The following P2RX4 variants were observed in gnomAD, a reference collection of about 807,000 sequenced individuals.
P2RX4 encodes the protein purinergic receptor P2X 4.
Under a neutral mutation model 48.0 loss-of-function variants are expected in P2RX4, and 37 were observed. That is an observed-to-expected ratio of 0.77 (90% CI 0.59 to 1.01). The LOEUF (loss-of-function observed/expected upper bound fraction) is 1.01, where lower values mean the gene tolerates loss of function less well. Ranked by LOEUF, P2RX4 falls within the 50% of genes least tolerant of loss-of-function variation. P2RX4 has a pLI of 0.00. For synonymous variants in P2RX4, 200 were observed against 199.7 expected, an observed-to-expected ratio of 1.00 and a Z score of -0.01; for missense variants, 501 against 521.4, an observed-to-expected ratio of 0.96 and a Z score of 0.38.
chr12:121,219,178 C>T (rs116676670), intron 2 of P2RX4, among the ~76,000 whole-genome samples: 190 of 152,272 alleles, frequency 1.2e-3, no homozygotes, highest in African/African-American at 4.4e-3. Flanking sequence ...TGACAGGTGG[C>T]GGGAGAGAGG....
chr12:121,233,491 G>C (rs1887505557), intron 11 of P2RX4, 32 bp from the exon 12 acceptor site: 2 of 1,598,570 alleles, frequency 1.3e-6, no homozygotes, highest in Non-Finnish European at 1.7e-6. Context: ...GGTCCCAGGG[G>C]CACCTTGATC....
At position 121,233,343 on chromosome 12, in the gene P2RX4, T is replaced by C. The variant is rs961468756; in HGVS notation, c.1141-180T>C. On this transcript the variant is annotated intron_variant, in intron 11 of 11. Coordinates refer to ENST00000337233, the MANE Select transcript of P2RX4 (RefSeq NM_002560.3). ...TCAGGTTGGTGATGATAATGCATGC[T>C]CTGAGAATGCCTGTGGGCACACACT... 5.5e-5 allele frequency: 37 copies of C among 673,126 alleles called. No individual in the cohort carries two copies. The African/African-American group carries it at 6.3e-4, about 11-fold the overall frequency. The allele number at this position is 673,126 out of a possible 1,614,324, so 41.7% of individuals were successfully genotyped here.
At chr12:121,231,384 A>G (rs1887348568) in intron 8 of P2RX4, among the ~76,000 whole-genome samples, 1 of 152,224 alleles carries the variant, frequency 6.6e-6, no homozygotes, top group African/African-American at 2.4e-5. Context: ...ATATTCACAG[A>G]TAAGTGCAGG....
chr12:121,228,411 C>T, intron 5 of P2RX4, 122 bp from the exon 6 acceptor site: 2 of 370,142 alleles, frequency 5.4e-6, no homozygotes, highest in Non-Finnish European at 4.8e-6. Context: ...TATATACACA[C>T]ACACACACAC....
At chr12:121,226,169 G>T (rs571520673) in intron 5 of P2RX4, among the ~76,000 whole-genome samples, 2 of 152,166 alleles carry the variant, frequency 1.3e-5, no homozygotes, top group South Asian at 4.2e-4. Flanking sequence ...ACCACACCTG[G>T]CCTCACAATA....
At chr12:121,218,259 C>T (rs992996851) in intron 2 of P2RX4, among the ~76,000 whole-genome samples, 6 of 151,894 alleles carry the variant, frequency 4.0e-5, no homozygotes, top group African/African-American at 1.4e-4. Context: ...AGGCCGAGGT[C>T]GGTGTATCAT....
intron 2 of P2RX4, among the ~76,000 whole-genome samples, chr12:121,219,926 A>G (rs909427395): frequency 6.6e-6 from 1 of 152,162 alleles, no homozygotes; most frequent in Non-Finnish European, 1.5e-5. Flanking sequence ...GGAGGATCCA[A>G]CTAGAATCTT....
At chr12:121,219,569 G>A (rs1241922604) in intron 2 of P2RX4, among the ~76,000 whole-genome samples, 2 of 150,710 alleles carry the variant, frequency 1.3e-5, no homozygotes, top group African/African-American at 4.9e-5. Flanking sequence ...ATCTTGATTG[G>A]ATGGGTGGTG....
At chr12:121,216,603 C>A in intron 1 of P2RX4, 1 of 267,770 alleles carries the variant, frequency 3.7e-6, no homozygotes, top group Non-Finnish European at 7.3e-6. Context: ...GGTGGATCAC[C>A]TGAGGTCAGG....
At chr12:121,224,703 T>C (rs886730282) in intron 5 of P2RX4, among the ~76,000 whole-genome samples, 1 of 152,058 alleles carries the variant, frequency 6.6e-6, no homozygotes, top group Non-Finnish European at 1.5e-5. Context: ...GTGGTTGTAA[T>C]TGGCTGTGCT....
chr12:121,225,072 A>ATTTT lies in P2RX4; in HGVS notation c.524+2044_524+2047dup, dbSNP rs34333143. On this transcript the variant is annotated intron_variant, in intron 5 of 11. Coordinates refer to ENST00000337233, the MANE Select transcript of P2RX4 (RefSeq NM_002560.3). ...GGAAGTGCACTTATCATCAAATTGGATTTTTTTTTTTTTTTTTTGAGACGA... is the reference window on the plus strand; with the variant it reads ...GGAAGTGCACTTATCATCAAATTGGATTTTTTTTTTTTTTTTTTTTTTGAGACGA... Among the ~76,000 whole-genome samples the ATTTT allele has an allele frequency of 1.2e-3, 157 of 133,758 alleles. 5 individuals are homozygous for ATTTT. Among genetic ancestry groups the ATTTT allele is most frequent in the East Asian group, 4.4e-3 (20 of 4,518 alleles). The allele number at this position is 133,758 out of a possible 152,430, so 87.8% of individuals were successfully genotyped here.
intron 1 of P2RX4, chr12:121,212,817 TATATA>T (rs1322881996): frequency 0.01 from 423 of 42,156 alleles, 10 homozygotes; most frequent in African/African-American, 0.038. Context: ...TATATATATA[TATATA>T]TATTTTTTTT....
At chr12:121,211,635 G>A (rs1211575600) in intron 1 of P2RX4, among the ~76,000 whole-genome samples, 9 of 152,106 alleles carry the variant, frequency 5.9e-5, no homozygotes, top group Non-Finnish European at 1.5e-5. Context: ...TCTCCAAACT[G>A]CACATTGGAA....
rs973241695 is a variant in P2RX4, at chr12:121,233,814, G to A, written c.*265G>A. 21 of 670,484 alleles carry A rather than the reference G, an allele frequency of 3.1e-5. No individual in the cohort carries two copies. The highest frequency in any genetic ancestry group is 6.1e-5 in the Admixed American group (2 of 32,744). 41.5% of individuals were successfully genotyped at this position (670,484 alleles called of 1,614,324 possible). Reference sequence around the variant, plus strand: ...GGGGTTGTCGGGGGAGCGCTGGCCCGACGCAGTGGCACTGCTGTGGCTTTC... The same window carrying A: ...GGGGTTGTCGGGGGAGCGCTGGCCCAACGCAGTGGCACTGCTGTGGCTTTC... On this transcript the variant is annotated 3_prime_UTR_variant, in exon 12 of 12. Coordinates refer to ENST00000337233, the MANE Select transcript of P2RX4 (RefSeq NM_002560.3).
chr12:121,216,919 T>C (rs1886263227), intron 1 of P2RX4: 2 of 705,190 alleles, frequency 2.8e-6, no homozygotes, highest in Non-Finnish European at 5.2e-6. Context: ...ACCTGCACCA[T>C]CTCATTTATT....
At chr12:121,226,782 T>C (rs1887002277) in intron 5 of P2RX4, among the ~76,000 whole-genome samples, 1 of 152,012 alleles carries the variant, frequency 6.6e-6, no homozygotes, top group South Asian at 2.1e-4. Context: ...ACACCCCTGT[T>C]GTAAGCCATC....
Position 121,223,021 on chromosome 12 carries a change from G to T in P2RX4, c.502G>T (p.Glu168Ter). The change falls in exon 5 of 12, where the codon GAG (glutamate) becomes TAG (stop). Residue 168 changes from glutamate to a stop codon, truncating the protein, a stop_gained. Transcript: ENST00000337233. LOFTEE classifies it high-confidence loss of function. ...TCEVAAWCPV[E>*]DDTHVPQPAF... is the part of the protein sequence containing the mutation. ...TGAGGTGGCGGCCTGGTGCCCGGTGGAGGATGACACACACGTGCCACAGTG... is the reference window on the plus strand; with the variant it reads ...TGAGGTGGCGGCCTGGTGCCCGGTGTAGGATGACACACACGTGCCACAGTG... 6.2e-7 allele frequency: 1 copy of T among 1,611,860 alleles called. No individual in the cohort carries two copies. The highest frequency in any genetic ancestry group is 1.1e-5 in the South Asian group (1 of 91,010).
At chr12:121,222,553 C>G (rs547723223) in intron 4 of P2RX4, 1 of 443,260 alleles carries the variant, frequency 2.3e-6, no homozygotes, top group South Asian at 1.8e-5. Flanking sequence ...GCTGGGATTA[C>G]AGGCATGCAC....
chr12:121,233,809 G>C lies in P2RX4; in HGVS notation c.*260G>C. 1 of 724,674 alleles carries C rather than the reference G, an allele frequency of 1.4e-6. No homozygotes were observed. Among genetic ancestry groups the C allele is most frequent in the East Asian group, 3.0e-5 (1 of 33,064 alleles). 44.9% of individuals were successfully genotyped at this position (724,674 alleles called of 1,614,324 possible). ...AACCTGGGGTTGTCGGGGGAGCGCT[G>C]GCCCGACGCAGTGGCACTGCTGTGG... On this transcript the variant is annotated 3_prime_UTR_variant, in exon 12 of 12. Transcript: ENST00000337233.
Sources: gnomAD v4.1 joint callset for allele counts (sites outside exome capture counted in the v4.1 genomes callset) on GRCh38, gnomAD v4.1.1 for gene constraint, MANE v1.5 for transcripts, NCBI Gene and HGNC (gene_info 2026-07-23, HGNC 2026-07-21) for gene names.